Variants in AK8 observed in about 807,000 individuals in gnomAD.
AK8 encodes ATP-AMP transphosphorylase 8.
Under a neutral mutation model 54.6 loss-of-function variants are expected in AK8, and 44 were observed. That is an observed-to-expected ratio of 0.81 (90% CI 0.63 to 1.04). AK8 has a LOEUF of 1.04. AK8 is among the 50% of genes least tolerant of loss of function. The pLI, the probability that AK8 is intolerant of heterozygous loss-of-function variation, is 0.00. For synonymous variants in AK8, 239 were observed against 245.6 expected (o/e 0.97, Z 0.25); for missense variants, 555 against 613.6 (o/e 0.90, Z 1.01).
chr9:132,871,788 G>A lies in AK8; in HGVS notation c.169+3327C>T, dbSNP rs1409120496. Reference sequence around the variant, plus strand: ...GGGGCGCTAAGGAGGGTGGGAGGAGGAGACAAAGGCAGGGAGGTGGCAGCG... The same window carrying A: ...GGGGCGCTAAGGAGGGTGGGAGGAGAAGACAAAGGCAGGGAGGTGGCAGCG... On this transcript the variant is annotated intron_variant, in intron 2 of 12. Transcript: ENST00000298545. 6.6e-5 allele frequency among the ~76,000 whole-genome samples: 10 copies of A among 152,364 alleles called. No individual in the cohort carries two copies. In the South Asian group the frequency reaches 8.3e-4, roughly 13 times the overall value.
Position 132,837,392 on chromosome 9 carries a change from G to A in AK8, c.403-8666C>T, listed in dbSNP as rs1842369896. 6.6e-6 allele frequency among the ~76,000 whole-genome samples: 1 copy of A among 151,892 alleles called. No homozygotes were observed. The highest frequency in any genetic ancestry group is 2.4e-5 in the African/African-American group (1 of 41,340). On this transcript the variant is annotated intron_variant, in intron 5 of 12. Transcript: ENST00000298545. This position sits in a 1 kb window ranked among gnomAD's most constrained non-coding sequence, Gnocchi z 4.3. ...TCTGCTCTGCCCTTCTGCTGTGGGTGCCCTGCTAGCTCTCGGGAGCAGACG... is the reference window on the plus strand; with the variant it reads ...TCTGCTCTGCCCTTCTGCTGTGGGTACCCTGCTAGCTCTCGGGAGCAGACG...
At chr9:132,828,832 G>A (rs1841988513) in intron 5 of AK8, 106 bp from the exon 6 acceptor site, 2 of 846,114 alleles carry the variant, frequency 2.4e-6, no homozygotes, top group East Asian at 2.9e-5. Flanking sequence ...GAACTTTTAA[G>A]ACAAAAAAAA....
chr9:132,828,578 G>A (rs534901131), intron 6 of AK8, 67 bp downstream of exon 6: 2 of 1,410,356 alleles, frequency 1.4e-6, no homozygotes, highest in East Asian at 2.4e-5. Flanking sequence ...AGCATGAGCG[G>A]GGCGCTCACT....
At chr9:132,777,000 A>G (rs1354205752) in intron 11 of AK8, among the ~76,000 whole-genome samples, 1 of 152,120 alleles carries the variant, frequency 6.6e-6, no homozygotes, top group Non-Finnish European at 1.5e-5. Flanking sequence ...GGTCTCAGAT[A>G]TGAGTCTGAT....
At chr9:132,782,590 G>A (rs937256363) in intron 11 of AK8, among the ~76,000 whole-genome samples, 2 of 152,152 alleles carry the variant, frequency 1.3e-5, no homozygotes, top group African/African-American at 4.8e-5. Context: ...TTGGGAGGCT[G>A]AGGCAGGAGA....
At chr9:132,839,825 G>GGA (rs1554801270) in intron 5 of AK8, among the ~76,000 whole-genome samples, 3 of 147,530 alleles carry the variant, frequency 2.0e-5, no homozygotes, top group Non-Finnish European at 3.0e-5. Context: ...TTTGCCGGGG[G>GGA]GGGGGGCGCA....
Position 132,782,676 on chromosome 9 carries a change from C to T in AK8, c.1121+9958G>A, listed in dbSNP as rs559026407. Among the ~76,000 whole-genome samples, 61 of 149,964 alleles carry T rather than the reference C, an allele frequency of 4.1e-4. No homozygotes were observed. In the East Asian group the frequency reaches 5.2e-3, roughly 13 times the overall value. On this transcript the variant is annotated intron_variant, in intron 11 of 12. Coordinates refer to ENST00000298545, the MANE Select transcript of AK8 (RefSeq NM_152572.3). ...TGCACTCCAGCCTGGGCAACAAGAGCGAAATTCCGTCTCAAAAAAAAAAAC... is the reference window on the plus strand; with the variant it reads ...TGCACTCCAGCCTGGGCAACAAGAGTGAAATTCCGTCTCAAAAAAAAAAAC...
chr9:132,858,886 A>C (rs963022280), intron 4 of AK8, among the ~76,000 whole-genome samples: 11 of 152,200 alleles, frequency 7.2e-5, no homozygotes, highest in African/African-American at 2.7e-4. Flanking sequence ...ACGTGGCAGC[A>C]AGAGAAACCC....
chr9:132,855,135 C>T (rs1843127621), intron 4 of AK8, among the ~76,000 whole-genome samples: 1 of 152,106 alleles, frequency 6.6e-6, no homozygotes, highest in African/African-American at 2.4e-5. Flanking sequence ...ATGTACTCAC[C>T]TTATCCTGTG....
rs886322147 is a variant in AK8, at chr9:132,803,225, T to G, written c.980-10450A>C. Among the ~76,000 whole-genome samples the G allele has an allele frequency of 6.6e-6, 1 of 152,102 alleles. No individual in the cohort carries two copies. Among genetic ancestry groups the G allele is most frequent in the Non-Finnish European group, 1.5e-5 (1 of 68,022 alleles). On this transcript the variant is annotated intron_variant, in intron 10 of 12. Transcript: ENST00000298545. The surrounding 1 kb of genome is among the most constrained non-coding windows in gnomAD (Gnocchi z 4.4). ...GGTCCCTCCCATGACACGTGAGGAT[T>G]ATGGGAACTACAGTTCAAGATGAGA...
Position 132,875,120 on chromosome 9 carries a change from T to G in AK8, c.164A>C (p.Asp55Ala), listed in dbSNP as rs1844033332. The change falls in exon 2 of 13, where the codon GAC (aspartate) becomes GCC (alanine). Residue 55 changes from aspartate to alanine, a missense_variant. Coordinates refer to ENST00000298545, the MANE Select transcript of AK8 (RefSeq NM_152572.3). ...FMIQHLHRDNDNVPRIVILGP... is the reference protein window; with the variant it reads ...FMIQHLHRDNANVPRIVILGP... Reference sequence around the variant, plus strand: ...GAGCCCCAGCCAGTGCTCACCATTGTCGTTGTCTCTATGCAAGTGCTGGAT... The same window carrying G: ...GAGCCCCAGCCAGTGCTCACCATTGGCGTTGTCTCTATGCAAGTGCTGGAT... 1 of 1,614,104 alleles carries G rather than the reference T, an allele frequency of 6.2e-7. No individual in the cohort carries two copies. Among genetic ancestry groups the G allele is most frequent in the East Asian group, 2.2e-5 (1 of 44,874 alleles).
chr9:132,792,646 T>C lies in AK8; in HGVS notation c.1109A>G (p.Tyr370Cys). The C allele has an allele frequency of 2.6e-6, 4 of 1,553,406 alleles. No homozygotes were observed. Among genetic ancestry groups the C allele is most frequent in the Non-Finnish European group, 3.5e-6 (4 of 1,149,004 alleles). ...DQAHLLNRLGYNPNRVFFLNV... is the reference protein window; with the variant it reads ...DQAHLLNRLGCNPNRVFFLNV... Reference sequence around the variant, plus strand: ...TGGGGCAGCTCACCTGTTGGGATTGTAGCCCAGGCGGTTCAGCAGGTGTGC... The same window carrying C: ...TGGGGCAGCTCACCTGTTGGGATTGCAGCCCAGGCGGTTCAGCAGGTGTGC... Residue 370 changes from tyrosine (Y) to cysteine (C), a missense_variant, in exon 11 of 13, where the codon TAC becomes TGC. Physicochemically the swap from Tyr to Cys is radical, Grantham distance 194. Coordinates refer to ENST00000298545, the MANE Select transcript of AK8 (RefSeq NM_152572.3).
intron 2 of AK8, among the ~76,000 whole-genome samples, chr9:132,871,551 CCT>C (rs1442072120): frequency 6.6e-6 from 1 of 152,208 alleles, no homozygotes; most frequent in Non-Finnish European, 1.5e-5. Flanking sequence ...GACTCGACTC[CCT>C]GAGAGCATCC....
intron 11 of AK8, chr9:132,769,191 C>T (rs1838850980): frequency 6.6e-6 from 1 of 152,208 alleles, no homozygotes; most frequent in Non-Finnish European, 1.5e-5. Context: ...GAGACAGAGC[C>T]GTCCTGCACA....
At chr9:132,839,829 G>GGA (rs1478901230) in intron 5 of AK8, among the ~76,000 whole-genome samples, 1 of 147,274 alleles carries the variant, frequency 6.8e-6, no homozygotes, top group Non-Finnish European at 1.5e-5. Flanking sequence ...CCGGGGGGGG[G>GGA]GGCGCAGGGA....
intron 5 of AK8, among the ~76,000 whole-genome samples, chr9:132,852,900 G>A (rs1843025146): frequency 1.3e-5 from 2 of 151,798 alleles, no homozygotes; most frequent in Admixed American, 1.3e-4. Context: ...TGCAGAAGGA[G>A]AGGAGAGAGA....
At chr9:132,776,606 C>G (rs748775345) in intron 11 of AK8, among the ~76,000 whole-genome samples, 2 of 152,182 alleles carry the variant, frequency 1.3e-5, no homozygotes, top group African/African-American at 2.4e-5. Flanking sequence ...GAGAGTGCTG[C>G]GGGGCCGCCA....
intron 11 of AK8, among the ~76,000 whole-genome samples, chr9:132,744,733 TAAGA>T (rs1837557753): frequency 6.6e-6 from 1 of 152,236 alleles, no homozygotes; most frequent in South Asian, 2.1e-4. Flanking sequence ...GTAAATGTTC[TAAGA>T]AAGGGTCCTG....
At chr9:132,738,417 C>CT (rs34618444) in intron 11 of AK8, among the ~76,000 whole-genome samples, 7,473 of 151,478 alleles carry the variant, frequency 0.049, 254 homozygotes, top group Non-Finnish European at 0.076. Flanking sequence ...TTCAACTCTT[C>CT]TTTTTTTTTA....
Sources: gnomAD v4.1 joint callset for allele counts (sites outside exome capture counted in the v4.1 genomes callset) on GRCh38, gnomAD v4.1.1 for gene constraint, Gnocchi (gnomAD v3.1) non-coding constraint, MANE v1.5 for transcripts, NCBI Gene and HGNC (gene_info 2026-07-23, HGNC 2026-07-21) for gene names.